Variants in TMEM234 observed in about 807,000 individuals in gnomAD.
TMEM234 encodes transmembrane protein 234, also known as chromosome 1 open reading frame 91.
A neutral mutation model predicts 17.8 loss-of-function variants in TMEM234; 21 were observed. The ratio of observed to expected loss-of-function variants is 1.18; its 90% CI spans 0.84 to 1.70. The LOEUF (loss-of-function observed/expected upper bound fraction) is 1.70, where lower values mean the gene tolerates loss of function less well. Ranked by LOEUF, TMEM234 falls within the 40% of genes most tolerant of loss-of-function variation. The pLI is 0.00. For synonymous variants in TMEM234, 83 were observed against 73.5 expected (o/e 1.13, Z -0.66); for missense variants, 137 against 166.9 (o/e 0.82, Z 0.99).
intron 1 of TMEM234, 24 bp downstream of exon 1, chr1:32,222,283 G>C: frequency 6.5e-7 from 1 of 1,541,906 alleles, no homozygotes; most frequent in Non-Finnish European, 8.7e-7. Flanking sequence ...GGAAATCCAT[G>C]GAAGGGCGGG....
downstream of TMEM234, chr1:32,215,420 G>A (rs1638297934): frequency 6.3e-7 from 1 of 1,599,566 alleles, no homozygotes; most frequent in Non-Finnish European, 8.5e-7. Context: ...GCATCACCCA[G>A]TGCTGCCTCC....
downstream of TMEM234, chr1:32,216,018 C>T: frequency 1.2e-6 from 1 of 829,648 alleles, no homozygotes. Context: ...TACACTGCGG[C>T]CTCCTCAGCC....
At chr1:32,215,616 C>G, downstream of TMEM234, 1 of 1,413,892 alleles carries the variant, frequency 7.1e-7, no homozygotes, top group Non-Finnish European at 9.8e-7. Flanking sequence ...AGCCTTGGGC[C>G]CCAGGAACAG....
chr1:32,216,292 G>A lies in TMEM234; in HGVS notation c.*561C>T. On this transcript the variant is annotated 3_prime_UTR_variant, in exon 5 of 5. Transcript: ENST00000309777. The stretch of plus-strand genomic sequence containing the variant: ...CTCACAGCTCTCTACCTGTTTAAGA[G>A]GGGCTGGCAGTGAGGATTTCTGCCT... 1 of 1,497,974 alleles carries A rather than the reference G, an allele frequency of 6.7e-7. No homozygotes were observed. Among genetic ancestry groups the A allele is most frequent in the Non-Finnish European group, 8.9e-7 (1 of 1,121,260 alleles). The allele number at this position is 1,497,974 out of a possible 1,614,324, so 92.8% of individuals were successfully genotyped here.
downstream of TMEM234, chr1:32,215,272 T>C: frequency 1.6e-6 from 1 of 610,444 alleles, no homozygotes; most frequent in Non-Finnish European, 2.9e-6. Flanking sequence ...ATAGAGGGGA[T>C]GGGGGTGGGA....
chr1:32,219,706 A>G (rs1413441598), intron 3 of TMEM234, among the ~76,000 whole-genome samples: 1 of 152,136 alleles, frequency 6.6e-6, no homozygotes, highest in Non-Finnish European at 1.5e-5. Flanking sequence ...ATACCTTACA[A>G]GGAGTGTCAT....
chr1:32,217,021 A>T, intron 4 of TMEM234, 74 bp from the exon 5 acceptor site: 1 of 1,605,388 alleles, frequency 6.2e-7, no homozygotes, highest in Non-Finnish European at 8.5e-7. Context: ...GGCTGGAGGA[A>T]GGGCTCAGAT....
chr1:32,221,862 C>T lies in TMEM234; in HGVS notation c.168+5G>A. On this transcript the variant is annotated splice_donor_5th_base_variant and intron_variant, in intron 2 of 4. Transcript: ENST00000309777. ...CCGAGAGAGGGGCCTTTCACAGAGA[C>T]GCACCTCAGTATTCAAGAAGAGGGT... is the stretch of plus-strand genomic sequence containing the variant. The T allele has an allele frequency of 1.9e-6, 3 of 1,613,000 alleles. No individual in the cohort carries two copies. Among genetic ancestry groups the T allele is most frequent in the Non-Finnish European group, 1.7e-6 (2 of 1,179,934 alleles).
chr1:32,221,777 G>T, intron 2 of TMEM234, 90 bp downstream of exon 2: 1 of 1,540,244 alleles, frequency 6.5e-7, no homozygotes, highest in Non-Finnish European at 8.8e-7. Flanking sequence ...TAGTGAGTAA[G>T]TGGTGGGGCT....
Position 32,222,297 on chromosome 1 carries a change from G to T in TMEM234, c.16+10C>A. 6.4e-7 allele frequency: 1 copy of T among 1,551,262 alleles called. No individual in the cohort carries two copies. The highest frequency in any genetic ancestry group is 8.7e-7 in the Non-Finnish European group (1 of 1,148,820). On this transcript the variant is annotated intron_variant, in intron 1 of 4. Coordinates refer to ENST00000309777, the MANE Select transcript of TMEM234 (RefSeq NM_019118.5). ...GGGAAATCCATGGAAGGGCGGGGCCGGCTACCTACCCAGAGACGCCGCCAT... is the reference window on the plus strand; with the variant it reads ...GGGAAATCCATGGAAGGGCGGGGCCTGCTACCTACCCAGAGACGCCGCCAT...
chr1:32,215,988 C>A, downstream of TMEM234: 1 of 1,107,468 alleles, frequency 9.0e-7, no homozygotes, highest in South Asian at 1.4e-5. Context: ...GGAGCCAGCA[C>A]CTCCGCTGGG....
chr1:32,214,619 G>A (rs1569774806), downstream of TMEM234: 2 of 833,144 alleles, frequency 2.4e-6, no homozygotes, highest in Non-Finnish European at 3.7e-6. Context: ...TCTGTCCCTG[G>A]ATAAGTCAGG....
At chr1:32,217,653 G>A (rs79409401) in intron 3 of TMEM234, 5 of 552,832 alleles carry the variant, frequency 9.0e-6, no homozygotes, top group Admixed American at 2.5e-5. Flanking sequence ...GGACGGACAG[G>A]CAGGCACCCA....
In TMEM234 at chr1:32,221,238, C is replaced by G. The variant is rs374432431; in HGVS notation, c.169-41G>C. 2.7e-6 allele frequency: 4 copies of G among 1,475,382 alleles called. No homozygotes were observed. The African/African-American group carries it at 5.6e-5, about 20-fold the overall frequency. The allele number at this position is 1,475,382 out of a possible 1,614,324, so 91.4% of individuals were successfully genotyped here. ...ACCTGCAGTCAGTGTGATGGCCTGACTGAGCAGCACTGCCTTCTTTGAGCT... is the reference window on the plus strand; with the variant it reads ...ACCTGCAGTCAGTGTGATGGCCTGAGTGAGCAGCACTGCCTTCTTTGAGCT... On this transcript the variant is annotated intron_variant, in intron 2 of 4. Transcript: ENST00000309777.
intron 4 of TMEM234, 80 bp downstream of exon 4, chr1:32,217,179 G>T (rs573204213): frequency 6.2e-7 from 1 of 1,612,944 alleles, no homozygotes. Flanking sequence ...ACTCTGGGGA[G>T]ATGGGTTCTG....
In TMEM234 at chr1:32,222,258, T is replaced by C. The variant is rs764842157; in HGVS notation, c.16+49A>G. On this transcript the variant is annotated intron_variant, in intron 1 of 4. Coordinates refer to ENST00000309777, the MANE Select transcript of TMEM234 (RefSeq NM_019118.5). ...GGTGGATGTGGAGCAGGAAATGAAT[T>C]CGAGGCGAGGGTCGGGAAATCCATG... 9.2e-6 allele frequency: 14 copies of C among 1,529,192 alleles called. No homozygotes were observed. The East Asian group carries it at 3.0e-4, about 32-fold the overall frequency. 94.7% of individuals were successfully genotyped at this position (1,529,192 alleles called of 1,614,324 possible).
intron 3 of TMEM234, 186 bp from the exon 4 acceptor site, chr1:32,217,537 A>G: frequency 7.3e-7 from 1 of 1,371,686 alleles, no homozygotes; most frequent in African/African-American, 1.4e-5. Context: ...GCTTCCCAGG[A>G]TTCCAGCATG....
At chr1:32,218,577 C>T (rs1016765795) in intron 3 of TMEM234, among the ~76,000 whole-genome samples, 4 of 151,934 alleles carry the variant, frequency 2.6e-5, no homozygotes, top group Non-Finnish European at 4.4e-5. Context: ...CTGAGACGGG[C>T]GGATCACCTG....
At chr1:32,222,108 C>T in intron 1 of TMEM234, 90 bp from the exon 2 acceptor site, 1 of 1,504,334 alleles carries the variant, frequency 6.6e-7, no homozygotes, top group Non-Finnish European at 8.9e-7. Context: ...AGCTAGCCGC[C>T]CCCACTTCCC....
Sources: gnomAD v4.1 joint callset for allele counts (sites outside exome capture counted in the v4.1 genomes callset) on GRCh38, gnomAD v4.1.1 for gene constraint, MANE v1.5 for transcripts, NCBI Gene and HGNC (gene_info 2026-07-23, HGNC 2026-07-21) for gene names.